Variants in MECOM observed in about 807,000 individuals in gnomAD.
MECOM encodes the protein MDS1 and EVI1 complex locus.
A neutral mutation model predicts 116.3 loss-of-function variants in MECOM; 13 were observed. The ratio of observed to expected loss-of-function variants is 0.11; its 90% CI spans 0.07 to 0.18. The LOEUF is 0.18. Among genes scored for constraint, MECOM ranks in the 10% least tolerant of loss-of-function variants. The pLI is 1.00. For synonymous variants in MECOM, 528 were observed against 535.2 expected, an observed-to-expected ratio of 0.99 and a Z score of 0.19; for missense variants, 1,299 against 1,509.0, an observed-to-expected ratio of 0.86 and a Z score of 2.31.
intron 1 of MECOM, among the ~76,000 whole-genome samples, chr3:169,610,826 T>C (rs375847137): frequency 1.6e-4 from 24 of 152,186 alleles, no homozygotes; most frequent in African/African-American, 5.5e-4. Context: ...TCAGTCTTAT[T>C]CACAATATCC....
At chr3:169,208,641 A>T (rs996642257) in intron 2 of MECOM, among the ~76,000 whole-genome samples, 1 of 152,092 alleles carries the variant, frequency 6.6e-6, no homozygotes, top group Non-Finnish European at 1.5e-5. Context: ...CTAACAAGGG[A>T]TGTGAAGGAC....
chr3:169,136,094 A>G (rs555488755), intron 3 of MECOM, among the ~76,000 whole-genome samples: 4 of 151,846 alleles, frequency 2.6e-5, no homozygotes, highest in African/African-American at 4.8e-5. Context: ...CCTGAAAGCA[A>G]TTCCAAATGC....
chr3:169,584,544 G>GA (rs1254438313), intron 1 of MECOM, among the ~76,000 whole-genome samples: 2 of 134,750 alleles, frequency 1.5e-5, no homozygotes, highest in Non-Finnish European at 3.1e-5. Context: ...CAGCCTGGGC[G>GA]AAAGAGCGAA....
chr3:169,206,425 C>T (rs1263135113), intron 2 of MECOM, among the ~76,000 whole-genome samples: 1 of 152,006 alleles, frequency 6.6e-6, no homozygotes, highest in Non-Finnish European at 1.5e-5. Context: ...GGCTCTCAAA[C>T]TTTGGTTCCA....
chr3:169,443,202 G>A (rs985371126), intron 1 of MECOM, among the ~76,000 whole-genome samples: 1 of 152,106 alleles, frequency 6.6e-6, no homozygotes, highest in East Asian at 1.9e-4. Flanking sequence ...AATTCCAGTG[G>A]GGTCTCTTCC....
At chr3:169,145,067 A>G in intron 2 of MECOM, 1 of 1,523,736 alleles carries the variant, frequency 6.6e-7, no homozygotes, top group Non-Finnish European at 8.8e-7. Context: ...GCCTTTGGCC[A>G]TGAGGAAATT....
chr3:169,412,235 A>C (rs1278744236), intron 1 of MECOM, among the ~76,000 whole-genome samples: 5 of 151,364 alleles, frequency 3.3e-5, no homozygotes, highest in Non-Finnish European at 5.9e-5. Context: ...GCAGTGAGCC[A>C]AGATTGCGCC....
intron 10 of MECOM, among the ~76,000 whole-genome samples, chr3:169,106,888 T>C (rs570986164): frequency 1.8e-4 from 28 of 152,214 alleles, no homozygotes; most frequent in African/African-American, 6.0e-4. Flanking sequence ...CCTAAGTTAG[T>C]GGGTTGATCT....
At position 169,429,788 on chromosome 3, in the gene MECOM, T is replaced by C. The variant is rs116903052; in HGVS notation, c.38-48264A>G. 2.0e-4 allele frequency among the ~76,000 whole-genome samples: 31 copies of C among 152,292 alleles called. No homozygotes were observed. In the East Asian group the frequency reaches 2.9e-3, roughly 14 times the overall value. On this transcript the variant is annotated intron_variant, in intron 1 of 16. Transcript: ENST00000651503. The stretch of plus-strand genomic sequence containing the variant: ...ATTATTGGCCAAATAGAGTCAATGA[T>C]ATTACCACTTCTCTACGTCAGTGTA...
intron 1 of MECOM, among the ~76,000 whole-genome samples, chr3:169,481,826 G>A (rs1346514308): frequency 2.0e-5 from 3 of 152,072 alleles, no homozygotes; most frequent in Non-Finnish European, 4.4e-5. Context: ...CATGTATATG[G>A]AGCAAAAAGG....
At chr3:169,373,516 C>G (rs1053253570) in intron 2 of MECOM, among the ~76,000 whole-genome samples, 2 of 151,960 alleles carry the variant, frequency 1.3e-5, no homozygotes, top group African/African-American at 4.8e-5. Flanking sequence ...TTTCTCTACT[C>G]AATTCTGATT....
chr3:169,263,126 TA>T lies in MECOM; in HGVS notation c.375+118060del, dbSNP rs1192152395. On this transcript the variant is annotated intron_variant, in intron 2 of 16. Transcript: ENST00000651503. Reference sequence around the variant, plus strand: ...ATATATATATATATATATATATATATATGTTTTTTTTTTTTTTTTTGAGACA... The same window carrying T: ...ATATATATATATATATATATATATATTGTTTTTTTTTTTTTTTTTGAGACA... 6.2e-4 allele frequency among the ~76,000 whole-genome samples: 38 copies of T among 60,864 alleles called. 4 individuals are homozygous for T. Among genetic ancestry groups the T allele is most frequent in the African/African-American group, 3.3e-3 (34 of 10,414 alleles). The allele number at this position is 60,864 out of a possible 152,430, so 39.9% of individuals were successfully genotyped here.
At chr3:169,506,623 G>GTT (rs1039217938) in intron 1 of MECOM, among the ~76,000 whole-genome samples, 1 of 151,992 alleles carries the variant, frequency 6.6e-6, no homozygotes, top group African/African-American at 2.4e-5. Context: ...GTTTTGTTTT[G>GTT]TTTTTTTCTT....
At chr3:169,305,897 C>T (rs1717600685) in intron 2 of MECOM, among the ~76,000 whole-genome samples, 1 of 151,686 alleles carries the variant, frequency 6.6e-6, no homozygotes. Flanking sequence ...AACCCTGTAA[C>T]AATGGCAGTT....
At chr3:169,606,193 T>C (rs1352132845) in intron 1 of MECOM, among the ~76,000 whole-genome samples, 1 of 151,966 alleles carries the variant, frequency 6.6e-6, no homozygotes, top group Non-Finnish European at 1.5e-5. Context: ...GGGTGTATCA[T>C]CTGAGATCAG....
intron 2 of MECOM, among the ~76,000 whole-genome samples, chr3:169,326,353 T>C (rs941670251): frequency 6.6e-6 from 1 of 151,400 alleles, no homozygotes; most frequent in Admixed American, 6.6e-5. Flanking sequence ...TAATTTCACA[T>C]GTAAAAACAT....
chr3:169,268,375 T>C (rs1758556932), intron 2 of MECOM, among the ~76,000 whole-genome samples: 1 of 152,194 alleles, frequency 6.6e-6, no homozygotes, highest in African/African-American at 2.4e-5. Flanking sequence ...GTATCTCAAA[T>C]ACTTGTTTGG....
intron 1 of MECOM, among the ~76,000 whole-genome samples, chr3:169,596,676 T>G (rs2109696281): frequency 6.6e-6 from 1 of 152,200 alleles, no homozygotes; most frequent in East Asian, 1.9e-4. Flanking sequence ...AAATGCTGTT[T>G]GATCAAAAAT....
chr3:169,453,261 T>C (rs1487464465), intron 1 of MECOM, among the ~76,000 whole-genome samples: 3 of 152,200 alleles, frequency 2.0e-5, no homozygotes, highest in Admixed American at 6.5e-5. Context: ...CTGATTGTGT[T>C]TGGGATTTTA....
Sources: allele counts gnomAD v4.1 joint callset (sites outside exome capture counted in the v4.1 genomes callset), GRCh38; gene constraint gnomAD v4.1.1; transcripts MANE v1.5; gene names NCBI Gene and HGNC (gene_info 2026-07-23, HGNC 2026-07-21).